Variants in KIAA1328 observed in about 807,000 individuals in gnomAD.
KIAA1328 encodes protein hinderin.
KIAA1328 carries 52 observed loss-of-function variants against 68.1 expected under a neutral mutation model. The observed-to-expected ratio is 0.76, with a 90% CI of 0.61 to 0.96. The LOEUF (loss-of-function observed/expected upper bound fraction) is 0.96. Among genes scored for constraint, KIAA1328 ranks in the 40% least tolerant of loss-of-function variants. The pLI is 0.00. For synonymous variants in KIAA1328, 232 were observed against 239.4 expected, an observed-to-expected ratio of 0.97 and a Z score of 0.28; for missense variants, 641 against 677.6, an observed-to-expected ratio of 0.95 and a Z score of 0.60.
chr18:37,157,952 C>T (rs1054401449), intron 7 of KIAA1328, among the ~76,000 whole-genome samples: 1 of 151,818 alleles, frequency 6.6e-6, no homozygotes, highest in Non-Finnish European at 1.5e-5. Flanking sequence ...AAATAATTCT[C>T]CAGTGATTAT....
chr18:36,958,852 T>C (rs2051533979), intron 5 of KIAA1328, among the ~76,000 whole-genome samples: 1 of 146,486 alleles, frequency 6.8e-6, no homozygotes, highest in African/African-American at 2.5e-5. Context: ...AATTTGTCTA[T>C]TTTTTTTTTT....
chr18:36,835,443 T>C (rs1312332575), intron 3 of KIAA1328, 67 bp downstream of exon 3: 1 of 1,422,542 alleles, frequency 7.0e-7, no homozygotes, highest in African/African-American at 1.4e-5. Context: ...CCAAAAAGGG[T>C]AGAAGAACCT....
chr18:37,193,641 T>G lies in KIAA1328; in HGVS notation c.1523+20560T>G. ...TTCCTTTCAAATCATTTCTTCATAT[T>G]GTTCTCCTAGACAAAATGCTAGGCT... is the stretch of plus-strand genomic sequence containing the variant. On this transcript the variant is annotated intron_variant, in intron 9 of 9. Transcript: ENST00000280020. The G allele has an allele frequency of 2.8e-6, 2 of 702,692 alleles. 1 individual carries two copies. Among genetic ancestry groups the G allele is most frequent in the South Asian group, 3.0e-5 (2 of 67,590 alleles). The allele number at this position is 702,692 out of a possible 1,614,324, so 43.5% of individuals were successfully genotyped here.
At position 36,834,358 on chromosome 18, in the gene KIAA1328, A is replaced by G. The variant is rs1246638274; in HGVS notation, c.94+3A>G. On this transcript the variant is annotated splice_donor_region_variant and intron_variant, in intron 2 of 9. Transcript: ENST00000280020. ...ACAATCAGTAGTATACGTTCCAGGT[A>G]TGATTTTCTATGTTAAAATTTGGGA... is the stretch of plus-strand genomic sequence containing the variant. 2 of 1,573,220 alleles carry G rather than the reference A, an allele frequency of 1.3e-6. No individual in the cohort carries two copies. The highest frequency in any genetic ancestry group is 1.2e-5 in the South Asian group (1 of 80,256).
chr18:36,876,373 G>A (rs936425257), intron 4 of KIAA1328, among the ~76,000 whole-genome samples: 3 of 152,158 alleles, frequency 2.0e-5, no homozygotes, highest in Non-Finnish European at 2.9e-5. Context: ...GTCTGTTCAG[G>A]GATTCGACTT....
At chr18:36,870,179 C>T (rs2007524) in intron 4 of KIAA1328, among the ~76,000 whole-genome samples, 20,723 of 152,052 alleles carry the variant, frequency 0.14, 1,760 homozygotes, top group Admixed American at 0.18. Flanking sequence ...GTTATTCTTA[C>T]CATATAAATT....
rs534976450 is a variant in KIAA1328, at chr18:37,026,234, G to A, written c.577-40656G>A. 1.0e-3 allele frequency among the ~76,000 whole-genome samples: 157 copies of A among 152,178 alleles called. 2 individuals carry two copies. Among genetic ancestry groups the A allele is most frequent in the African/African-American group, 3.7e-3 (154 of 41,500 alleles). ...TCTGAAATTCAGGCAATAATTAATA[G>A]CTTACCAACAAAAAAAGTCCAGGAC... On this transcript the variant is annotated intron_variant, in intron 6 of 9. Coordinates refer to ENST00000280020, the MANE Select transcript of KIAA1328 (RefSeq NM_020776.3).
chr18:36,848,755 T>C (rs1435032502), intron 4 of KIAA1328, among the ~76,000 whole-genome samples: 1 of 151,168 alleles, frequency 6.6e-6, no homozygotes, highest in Non-Finnish European at 1.5e-5. Context: ...TGAGAGTTTT[T>C]ATCTTTAGTC....
chr18:37,013,958 A>G (rs1474258854), intron 6 of KIAA1328, among the ~76,000 whole-genome samples: 1 of 152,274 alleles, frequency 6.6e-6, no homozygotes, highest in East Asian at 1.9e-4. Flanking sequence ...TTACATTCAC[A>G]GCAACAGTGT....
At position 36,915,387 on chromosome 18, in the gene KIAA1328, A is replaced by AG. The variant is rs1391422298; in HGVS notation, c.448+29715_448+29716insG. On this transcript the variant is annotated intron_variant, in intron 5 of 9. Transcript: ENST00000280020. ...AAAGATACTGTTAAAGAGAATGGGG[A>AG]AAAAAACTATTCTCCCGTAGGTTGG... Among the ~76,000 whole-genome samples, 5 of 10,832 alleles carry AG rather than the reference A, an allele frequency of 4.6e-4. No individual in the cohort carries two copies. The East Asian group carries it at 0.42, about 903-fold the overall frequency. 7.1% of individuals were successfully genotyped at this position (10,832 alleles called of 152,430 possible).
At chr18:37,205,361 T>C (rs2060197701) in intron 9 of KIAA1328, among the ~76,000 whole-genome samples, 2 of 152,182 alleles carry the variant, frequency 1.3e-5, no homozygotes, top group African/African-American at 4.8e-5. Context: ...TGCTCCTAGA[T>C]TCTCTGGGGC....
intron 6 of KIAA1328, among the ~76,000 whole-genome samples, chr18:37,065,975 A>G (rs146240137): frequency 1.6e-4 from 24 of 152,274 alleles, no homozygotes; most frequent in Admixed American, 5.2e-4. Context: ...ATATAGACCA[A>G]TAGTTTTCAA....
intron 4 of KIAA1328, among the ~76,000 whole-genome samples, chr18:36,883,569 G>A (rs776149959): frequency 1.3e-5 from 2 of 152,184 alleles, no homozygotes; most frequent in Admixed American, 6.5e-5. Context: ...TCCATGCTCT[G>A]TAAAGATACT....
intron 4 of KIAA1328, among the ~76,000 whole-genome samples, chr18:36,857,526 G>C (rs1049733612): frequency 4.6e-5 from 7 of 152,168 alleles, no homozygotes; most frequent in Admixed American, 6.5e-5. Context: ...CCATCATCCT[G>C]GCGGCCGCCA....
chr18:36,930,771 T>C (rs756775929), intron 5 of KIAA1328, among the ~76,000 whole-genome samples: 3 of 151,998 alleles, frequency 2.0e-5, no homozygotes, highest in African/African-American at 7.3e-5. Flanking sequence ...TTTGTAATTA[T>C]TTTTCTGTCT....
chr18:36,908,936 G>A (rs1315226081), intron 5 of KIAA1328, among the ~76,000 whole-genome samples: 1 of 152,064 alleles, frequency 6.6e-6, no homozygotes, highest in Non-Finnish European at 1.5e-5. Context: ...ATTGGAGTAA[G>A]CTTTCTTATC....
At chr18:36,958,505 G>C (rs1252399551) in intron 5 of KIAA1328, among the ~76,000 whole-genome samples, 12 of 152,078 alleles carry the variant, frequency 7.9e-5, no homozygotes, top group Non-Finnish European at 1.8e-4. Flanking sequence ...CCTTGTCAGT[G>C]CTTGTTTGTC....
chr18:37,124,171 C>G (rs1040848000), intron 7 of KIAA1328, among the ~76,000 whole-genome samples: 2 of 152,086 alleles, frequency 1.3e-5, no homozygotes, highest in Non-Finnish European at 2.9e-5. Flanking sequence ...TAAGCTAAGA[C>G]AAAATGCAGA....
chr18:36,991,706 T>A (rs1022570350), intron 6 of KIAA1328, among the ~76,000 whole-genome samples: 1 of 152,230 alleles, frequency 6.6e-6, no homozygotes. Flanking sequence ...TGTGGCTACA[T>A]GCAGCTGACA....
Sources: gnomAD v4.1 joint callset for allele counts (sites outside exome capture counted in the v4.1 genomes callset) on GRCh38, gnomAD v4.1.1 for gene constraint, MANE v1.5 for transcripts, NCBI Gene and HGNC (gene_info 2026-07-23, HGNC 2026-07-21) for gene names.